MON2: variants seen among roughly 807,000 people sequenced by gnomAD.
MON2 encodes protein MON2 homolog.
Under a neutral mutation model 208.6 loss-of-function variants are expected in MON2, and 84 were observed. That is an observed-to-expected ratio of 0.40 (90% CI 0.34 to 0.48). MON2 has a LOEUF of 0.48. Ranked by LOEUF, MON2 falls within the 20% of genes least tolerant of loss-of-function variation. The pLI is 0.59. For synonymous variants in MON2, 660 were observed against 694.0 expected (o/e 0.95, Z 0.77); for missense variants, 1,611 against 2,015.4 (o/e 0.80, Z 3.84).
chr12:62,501,746 A>C (rs767575455), intron 7 of MON2, 48 bp downstream of exon 7: 2 of 1,599,906 alleles, frequency 1.3e-6, no homozygotes, highest in Non-Finnish European at 1.7e-6. Flanking sequence ...GAATTGTTTT[A>C]CAGATATTTT....
chr12:62,488,553 A>G (rs765604557), intron 2 of MON2, among the ~76,000 whole-genome samples: 7 of 152,162 alleles, frequency 4.6e-5, no homozygotes, highest in Non-Finnish European at 1.0e-4. Context: ...TGACACGTTC[A>G]TATTTATATT....
intron 12 of MON2, among the ~76,000 whole-genome samples, chr12:62,532,998 CATTCAA>C (rs1170278564): frequency 6.6e-6 from 1 of 152,184 alleles, no homozygotes; most frequent in African/African-American, 2.4e-5. Context: ...CTCCAGGTCT[CATTCAA>C]ATTTTGCCAG....
Position 62,598,866 on chromosome 12 carries a change from C to G in MON2, c.*6117C>G, listed in dbSNP as rs772051273. ...TACAGATTGTTTATTTGTTTTACAG[C>G]TAACATTAAGCATGATTCCAGGTTT... On this transcript the variant is annotated 3_prime_UTR_variant, in exon 35 of 35. Transcript: ENST00000393630. 1.3e-5 allele frequency: 2 copies of G among 152,144 alleles called. No homozygotes were observed. Among genetic ancestry groups the G allele is most frequent in the Non-Finnish European group, 2.9e-5 (2 of 68,004 alleles). 9.4% of individuals were successfully genotyped at this position (152,144 alleles called of 1,614,324 possible). A position where few individuals can be genotyped will look rare whatever the true frequency, so the allele number is the denominator to read the frequency against.
intron 7 of MON2, among the ~76,000 whole-genome samples, chr12:62,502,137 T>C (rs2070868091): frequency 6.6e-6 from 1 of 152,090 alleles, no homozygotes; most frequent in Admixed American, 6.5e-5. Flanking sequence ...GGAGAATGGC[T>C]TGAACCTGGG....
intron 29 of MON2, among the ~76,000 whole-genome samples, chr12:62,569,331 A>C (rs1324928153): frequency 6.6e-6 from 1 of 152,180 alleles, no homozygotes; most frequent in Non-Finnish European, 1.5e-5. Flanking sequence ...TCAGGCTCTG[A>C]CTAGCTTTAA....
At position 62,537,165 on chromosome 12, in the gene MON2, G is replaced by T. The variant is rs1389080998; in HGVS notation, c.1915G>T (p.Gly639Cys). Residue 639 changes from glycine (G) to cysteine (C), a missense_variant, in exon 15 of 35, where the codon GGC (glycine) becomes TGC (cysteine). Gly to Cys is a radical substitution (Grantham distance 159, BLOSUM62 -3). Coordinates refer to ENST00000393630, the MANE Select transcript of MON2 (RefSeq NM_015026.3). ...TLSNKSYSVQ[G>C]QSVMMISPSS... ...TTGTGTTCTAGCATATTCCGTTCAG[G>T]GCCAAAGTGTTATGATGATAAGTCC... 22 of 1,609,770 alleles carry T rather than the reference G, an allele frequency of 1.4e-5. No individual in the cohort carries two copies. Among genetic ancestry groups the T allele is most frequent in the Admixed American group, 1.7e-5 (1 of 59,788 alleles).
In MON2 at chr12:62,566,339, G is replaced by A; in HGVS notation, c.4212G>A (p.Leu1404=). The A allele has an allele frequency of 6.2e-7, 1 of 1,612,570 alleles. No homozygotes were observed. Among genetic ancestry groups the A allele is most frequent in the Non-Finnish European group, 8.5e-7 (1 of 1,179,492 alleles). The change falls in exon 29 of 35, where the codon TTG becomes TTA. Residue 1404 remains leucine, a synonymous_variant. Coordinates refer to ENST00000393630, the MANE Select transcript of MON2 (RefSeq NM_015026.3). ...QLFAPAEWVA[L]NYVPFAERSL... ...CTTTCTAGGCGGAATGGGTAGCCTT[G>A]AATTATGTGCCGTTTGCTGAAAGGT...
At position 62,523,993 on chromosome 12, in the gene MON2, G is replaced by A. The variant is rs552765504; in HGVS notation, c.985-522G>A. 2.0e-5 allele frequency among the ~76,000 whole-genome samples: 3 copies of A among 152,150 alleles called. No homozygotes were observed. The East Asian group carries it at 5.8e-4, about 29-fold the overall frequency. On this transcript the variant is annotated intron_variant, in intron 8 of 34. Coordinates refer to ENST00000393630, the MANE Select transcript of MON2 (RefSeq NM_015026.3). ...AGTAATGATAATTAATACTTAATTA[G>A]CAGTACAGGCCCTGTTCTAATAGTT... is the stretch of plus-strand genomic sequence containing the variant.
chr12:62,467,394 TTC>T, intron 1 of MON2, 76 bp downstream of exon 1: 1 of 1,205,866 alleles, frequency 8.3e-7, no homozygotes, highest in Non-Finnish European at 1.2e-6. Flanking sequence ...TCACCCCAGT[TTC>T]CAGTCCTAAT....
chr12:62,505,930 TA>T (rs1358322797), intron 7 of MON2, among the ~76,000 whole-genome samples: 3 of 151,876 alleles, frequency 2.0e-5, no homozygotes, highest in Non-Finnish European at 4.4e-5. Context: ...AGAGATCTGA[TA>T]AGATGAAAAC....
chr12:62,505,366 T>A (rs1476138484), intron 7 of MON2, among the ~76,000 whole-genome samples: 5 of 151,920 alleles, frequency 3.3e-5, no homozygotes, highest in Admixed American at 3.3e-4. Context: ...GATATGGGAG[T>A]GAATGAGATT....
At chr12:62,514,253 CTG>C (rs1350410253) in intron 8 of MON2, among the ~76,000 whole-genome samples, 2 of 152,218 alleles carry the variant, frequency 1.3e-5, no homozygotes, top group Non-Finnish European at 2.9e-5. Context: ...GCCCTCCAAA[CTG>C]TTCCAACATC....
chr12:62,578,275 T>C (rs1044165364), intron 30 of MON2, among the ~76,000 whole-genome samples, 170 bp from the exon 31 acceptor site: 2 of 152,192 alleles, frequency 1.3e-5, no homozygotes, highest in Non-Finnish European at 2.9e-5. Context: ...ATTAGCTTAG[T>C]CATTTAAACT....
intron 26 of MON2, among the ~76,000 whole-genome samples, chr12:62,563,395 T>A (rs1399216394): frequency 6.6e-6 from 1 of 152,164 alleles, no homozygotes; most frequent in Admixed American, 6.6e-5. Context: ...AAAAGATTAT[T>A]ATTAAATGAG....
chr12:62,547,141 A>G lies in MON2; in HGVS notation c.2753+69A>G, dbSNP rs567687344. 69 of 1,089,064 alleles carry G rather than the reference A, an allele frequency of 6.3e-5. No individual in the cohort carries two copies. The East Asian group carries it at 2.0e-3, about 31-fold the overall frequency. 67.5% of individuals were successfully genotyped at this position (1,089,064 alleles called of 1,614,324 possible). A position where few individuals can be genotyped will look rare whatever the true frequency, so the allele number is the denominator to read the frequency against. ...AAAATATAAATAAAATAAAATTAACATCAAAAAAGTGATAGAGGTAGAGAA... is the reference window on the plus strand; with the variant it reads ...AAAATATAAATAAAATAAAATTAACGTCAAAAAAGTGATAGAGGTAGAGAA... On this transcript the variant is annotated intron_variant, in intron 22 of 34. Transcript: ENST00000393630.
intron 7 of MON2, 95 bp downstream of exon 7, chr12:62,501,793 A>G: frequency 7.3e-7 from 1 of 1,377,294 alleles, no homozygotes; most frequent in Non-Finnish European, 1.0e-6. Context: ...CCACCTTAAA[A>G]GTGGCAAAGA....
At chr12:62,556,283 T>A (rs986001097) in intron 25 of MON2, 91 bp downstream of exon 25, 19 of 1,202,122 alleles carry the variant, frequency 1.6e-5, no homozygotes, top group Non-Finnish European at 2.1e-5. Flanking sequence ...CTATCTTAAC[T>A]TAGTCTTTAT....
chr12:62,544,065 C>T (rs2136271211), intron 20 of MON2, among the ~76,000 whole-genome samples: 1 of 152,242 alleles, frequency 6.6e-6, no homozygotes, highest in African/African-American at 2.4e-5. Flanking sequence ...CTGCTTCTGC[C>T]AGTATGTGTG....
In MON2 at chr12:62,556,182, G is replaced by A; in HGVS notation, c.3399G>A (p.Leu1133=). The A allele has an allele frequency of 1.2e-6, 2 of 1,613,688 alleles. No homozygotes were observed. The highest frequency in any genetic ancestry group is 8.5e-7 in the Non-Finnish European group (1 of 1,179,868). ...TCTTCAACACTAGAAGATATTTGCT[G>A]CAGCCTTTAGGTATACGTACATTTT... ...ARIFNTRRYL[L]QPLGDFSRAW... is the part of the protein sequence containing the mutation. The change falls in exon 25 of 35, where the codon CTG becomes CTA. Residue 1133 remains leucine (L), a synonymous_variant. Coordinates refer to ENST00000393630, the MANE Select transcript of MON2 (RefSeq NM_015026.3).
Sources: allele counts gnomAD v4.1 joint callset (sites outside exome capture counted in the v4.1 genomes callset), GRCh38; gene constraint gnomAD v4.1.1; transcripts MANE v1.5; gene names NCBI Gene and HGNC (gene_info 2026-07-23, HGNC 2026-07-21).